WDR41: variants seen among roughly 807,000 people sequenced by gnomAD.
The protein encoded by WDR41 is WD repeat-containing protein 41.
In WDR41, 63 loss-of-function variants were observed where a neutral mutation model predicts 69.3. The observed-to-expected ratio is 0.91, with a 90% CI of 0.74 to 1.12. The LOEUF (loss-of-function observed/expected upper bound fraction) is 1.12. Among genes scored for constraint, WDR41 ranks in the 50% most tolerant of loss-of-function variants. WDR41 has a pLI of 0.00. For missense variants in WDR41, 543 were observed against 534.5 expected (o/e 1.02, Z -0.16); for synonymous variants, 185 against 192.1 (o/e 0.96, Z 0.31).
chr5:77,601,691 C>G (rs1397584900), intron 1 of WDR41, among the ~76,000 whole-genome samples: 4 of 152,188 alleles, frequency 2.6e-5, no homozygotes, highest in Non-Finnish European at 4.4e-5. Context: ...GTTCACCACC[C>G]AATGGCTCAT....
intron 8 of WDR41, among the ~76,000 whole-genome samples, chr5:77,446,666 G>C (rs990319228): frequency 6.6e-6 from 1 of 152,102 alleles, no homozygotes; most frequent in Non-Finnish European, 1.5e-5. Context: ...ACAAAAACAA[G>C]CAATGGGGAA....
intron 1 of WDR41, among the ~76,000 whole-genome samples, chr5:77,601,147 T>C (rs1052368960): frequency 1.3e-5 from 2 of 152,158 alleles, no homozygotes; most frequent in African/African-American, 4.8e-5. Context: ...AATTGAAACA[T>C]GAAACTAATA....
intron 2 of WDR41, among the ~76,000 whole-genome samples, chr5:77,466,544 TA>T (rs1413142441): frequency 6.6e-6 from 1 of 151,964 alleles, no homozygotes; most frequent in Admixed American, 6.6e-5. Flanking sequence ...CCCTAATTTT[TA>T]ACTTCTTATG....
At chr5:77,523,583 AT>A (rs565624935) in intron 1 of WDR41, among the ~76,000 whole-genome samples, 91 of 147,032 alleles carry the variant, frequency 6.2e-4, no homozygotes, top group East Asian at 1.0e-3. Context: ...TCAGTGCTTA[AT>A]TTTTTTTTTT....
At chr5:77,537,241 G>T (rs965646806) in intron 1 of WDR41, among the ~76,000 whole-genome samples, 2 of 152,220 alleles carry the variant, frequency 1.3e-5, no homozygotes, top group Non-Finnish European at 2.9e-5. Context: ...AAATGTGACT[G>T]GGATTTATTT....
chr5:77,502,593 T>A lies in WDR41; in HGVS notation c.43-13021A>T, dbSNP rs367666274. 6.0e-4 allele frequency among the ~76,000 whole-genome samples: 91 copies of A among 152,128 alleles called. 1 individual carries two copies. Among genetic ancestry groups the A allele is most frequent in the Non-Finnish European group, 1.1e-3 (74 of 67,980 alleles). ...TCAGATTCACCAAGGTTGAAATGAA[T>A]GAAAAAATGTTAAGGGCAGCCAGAG... is the stretch of plus-strand genomic sequence containing the variant. On this transcript the variant is annotated intron_variant, in intron 1 of 5. Coordinates refer to the WDR41 transcript ENST00000509971.
At chr5:77,555,435 A>C (rs1348886693) in intron 1 of WDR41, among the ~76,000 whole-genome samples, 1 of 152,136 alleles carries the variant, frequency 6.6e-6, no homozygotes, top group Non-Finnish European at 1.5e-5. Flanking sequence ...CAGTCTCCCA[A>C]GAAGCTGGGA....
intron 1 of WDR41, among the ~76,000 whole-genome samples, chr5:77,585,616 A>G (rs1744024189): frequency 1.3e-5 from 2 of 152,248 alleles, no homozygotes; most frequent in South Asian, 2.1e-4. Flanking sequence ...ACTGTGGTAT[A>G]CATATACAAT....
chr5:77,569,164 C>A (rs1360729725), intron 1 of WDR41, among the ~76,000 whole-genome samples: 1 of 152,060 alleles, frequency 6.6e-6, no homozygotes, highest in Non-Finnish European at 1.5e-5. Context: ...TACAATACTG[C>A]AACATTTTAA....
At position 77,605,266 on chromosome 5, in the gene WDR41, T is replaced by C. The variant is rs544920090; in HGVS notation, c.42+15213A>G. 2.8e-4 allele frequency among the ~76,000 whole-genome samples: 43 copies of C among 152,304 alleles called. No homozygotes were observed. The South Asian group carries it at 8.1e-3, about 29-fold the overall frequency. On this transcript the variant is annotated intron_variant, in intron 1 of 5. Coordinates refer to the WDR41 transcript ENST00000509971. ...ACATTCTGTCTGCTCCTTACTGTTG[T>C]CTGCCCTAAATTCTCAAAGCCTTCA...
In WDR41 at chr5:77,577,770, C is replaced by G. The variant is rs77510573; in HGVS notation, c.42+42709G>C. On this transcript the variant is annotated intron_variant, in intron 1 of 5. Transcript: ENST00000509971. ...AAATATCAAACACTGACCTCAGAAACTACAGGTGCTCCTCAACTTATTATG... is the reference window on the plus strand; with the variant it reads ...AAATATCAAACACTGACCTCAGAAAGTACAGGTGCTCCTCAACTTATTATG... Among the ~76,000 whole-genome samples the G allele has an allele frequency of 6.4e-3, 974 of 152,286 alleles. 18 individuals carry two copies. Among genetic ancestry groups the G allele is most frequent in the African/African-American group, 0.02 (834 of 41,570 alleles).
chr5:77,563,340 T>C (rs190560379), intron 1 of WDR41, among the ~76,000 whole-genome samples: 1 of 152,106 alleles, frequency 6.6e-6, no homozygotes, highest in African/African-American at 2.4e-5. Context: ...CAAGACCACA[T>C]GCTATACCAA....
chr5:77,600,829 G>A (rs1172029948), intron 1 of WDR41, among the ~76,000 whole-genome samples: 4 of 151,854 alleles, frequency 2.6e-5, no homozygotes, highest in Admixed American at 6.6e-5. Context: ...GCAGTGAGCC[G>A]AGATAACGCC....
intron 2 of WDR41, among the ~76,000 whole-genome samples, chr5:77,483,941 A>G (rs889528944): frequency 6.6e-6 from 1 of 152,204 alleles, no homozygotes; most frequent in Non-Finnish European, 1.5e-5. Context: ...TCTATGCTCA[A>G]GTTGCCAGAT....
At chr5:77,595,058 C>T (rs1744200842) in intron 1 of WDR41, among the ~76,000 whole-genome samples, 1 of 152,256 alleles carries the variant, frequency 6.6e-6, no homozygotes, top group East Asian at 1.9e-4. Flanking sequence ...TGAGAGCCTT[C>T]TGATTACTGT....
chr5:77,438,371 G>T lies in WDR41; in HGVS notation c.883-10C>A. 6.2e-7 allele frequency: 1 copy of T among 1,613,554 alleles called. No individual in the cohort carries two copies. The highest frequency in any genetic ancestry group is 8.5e-7 in the Non-Finnish European group (1 of 1,179,614). ...CTGCAGCAAATACATTCTAGGGGAA[G>T]AAGTTCAGAAATGGGCATAAAACTA... On this transcript the variant is annotated splice_polypyrimidine_tract_variant and intron_variant, in intron 9 of 12. Transcript: ENST00000296679.
At chr5:77,569,840 T>C (rs754538941) in intron 1 of WDR41, among the ~76,000 whole-genome samples, 11 of 152,194 alleles carry the variant, frequency 7.2e-5, no homozygotes, top group Non-Finnish European at 1.6e-4. Flanking sequence ...TGTAGCTAGT[T>C]TGTTATCAAA....
intron 1 of WDR41, among the ~76,000 whole-genome samples, chr5:77,554,845 G>A (rs1387013477): frequency 6.6e-6 from 1 of 151,974 alleles, no homozygotes; most frequent in Non-Finnish European, 1.5e-5. Flanking sequence ...GAGGCCGGGT[G>A]GGGTGGCTCA....
chr5:77,589,934 T>C (rs1322762758), intron 1 of WDR41, among the ~76,000 whole-genome samples: 1 of 152,200 alleles, frequency 6.6e-6, no homozygotes, highest in East Asian at 1.9e-4. Context: ...TTCAATATTA[T>C]GTTTGATGTT....
Sources: gnomAD v4.1 joint callset for allele counts (sites outside exome capture counted in the v4.1 genomes callset) on GRCh38, gnomAD v4.1.1 for gene constraint, MANE v1.5 for transcripts, NCBI Gene and HGNC (gene_info 2026-07-23, HGNC 2026-07-21) for gene names.